Variants in CCDC148 observed in about 807,000 individuals in gnomAD.
CCDC148 encodes the protein coiled-coil domain-containing protein 148.
In CCDC148, 89 loss-of-function variants were observed where a neutral mutation model predicts 85.7. That is an observed-to-expected ratio of 1.04 (90% confidence interval 0.87 to 1.24). The LOEUF (loss-of-function observed/expected upper bound fraction) is 1.24, where lower values mean the gene tolerates loss of function less well. CCDC148 is among the 50% of genes most tolerant of loss of function. The probability of loss-of-function intolerance (pLI) is 0.00; values close to 1 mark genes in which losing one functional copy is unlikely to be tolerated. For missense variants in CCDC148, 692 were observed against 671.7 expected (o/e 1.03, Z -0.33); for synonymous variants, 230 against 213.9 (o/e 1.08, Z -0.66).
intron 2 of CCDC148, among the ~76,000 whole-genome samples, chr2:158,350,034 G>C (rs962788527): frequency 6.6e-6 from 1 of 152,056 alleles, no homozygotes; most frequent in African/African-American, 2.4e-5. Context: ...TTCTAGAAAA[G>C]CTTCTTCCTG....
intron 9 of CCDC148, among the ~76,000 whole-genome samples, chr2:158,271,052 C>T (rs975250902): frequency 2.6e-5 from 4 of 152,086 alleles, no homozygotes; most frequent in African/African-American, 9.7e-5. Context: ...AGTTTTATAA[C>T]CAAGCATTGC....
intron 13 of CCDC148, 24 bp from the exon 14 acceptor site, chr2:158,172,283 A>T: frequency 6.5e-7 from 1 of 1,546,444 alleles, no homozygotes. Flanking sequence ...AATACAATTT[A>T]AATAACAATT....
At chr2:158,269,220 C>A (rs772676205) in intron 9 of CCDC148, among the ~76,000 whole-genome samples, 2 of 152,092 alleles carry the variant, frequency 1.3e-5, no homozygotes, top group Non-Finnish European at 2.9e-5. Flanking sequence ...ATCTCACTGA[C>A]GCTCATTCTC....
In CCDC148 at chr2:158,221,254, T is replaced by C. The variant is rs191636361; in HGVS notation, c.1252-541A>G. The stretch of plus-strand genomic sequence containing the variant: ...AAATTAGCAGGGTTGTGGTATATAG[T>C]AGTTCTGACTTATGTGGTAAAATAA... On this transcript the variant is annotated intron_variant, in intron 10 of 13. Coordinates refer to ENST00000283233, the MANE Select transcript of CCDC148 (RefSeq NM_138803.4). 3.7e-4 allele frequency among the ~76,000 whole-genome samples: 57 copies of C among 152,298 alleles called. 1 individual carries two copies. In the East Asian group the frequency reaches 9.8e-3, roughly 26 times the overall value.
chr2:158,327,126 T>G (rs1195068567), intron 7 of CCDC148, among the ~76,000 whole-genome samples: 1 of 152,120 alleles, frequency 6.6e-6, no homozygotes, highest in African/African-American at 2.4e-5. Context: ...AATAAATCAG[T>G]GTATACATAT....
At chr2:158,175,079 G>T (rs182430702) in intron 13 of CCDC148, among the ~76,000 whole-genome samples, 81 of 152,068 alleles carry the variant, frequency 5.3e-4, no homozygotes, top group Non-Finnish European at 9.1e-4. Flanking sequence ...CACTTGTCAT[G>T]CACCCCTTGT....
At chr2:158,211,863 G>T (rs944688623) in intron 11 of CCDC148, among the ~76,000 whole-genome samples, 2 of 152,116 alleles carry the variant, frequency 1.3e-5, no homozygotes, top group African/African-American at 2.4e-5. Flanking sequence ...CTTTGTCCAT[G>T]AATTTCTTAT....
rs551898190 is a variant in CCDC148 at position 158,349,362 on chromosome 2, T to C, written c.148-4044A>G. On this transcript the variant is annotated intron_variant, in intron 2 of 13. Transcript: ENST00000283233. ...AGGTAAAATAAACAGGGAAGTAGGCTGATAATACAAATATTTAGAGAGAAT... is the reference window on the plus strand; with the variant it reads ...AGGTAAAATAAACAGGGAAGTAGGCCGATAATACAAATATTTAGAGAGAAT... Among the ~76,000 whole-genome samples, 14 of 152,116 alleles carry C rather than the reference T, an allele frequency of 9.2e-5. No homozygotes were observed. The South Asian group carries it at 2.9e-3, about 32-fold the overall frequency.
intron 7 of CCDC148, among the ~76,000 whole-genome samples, chr2:158,321,169 G>T (rs1274111973): frequency 6.6e-6 from 1 of 152,086 alleles, no homozygotes; most frequent in Non-Finnish European, 1.5e-5. Flanking sequence ...GGTTTTTGGT[G>T]TTTAAAGGAA....
chr2:158,239,580 A>C (rs942966486), intron 10 of CCDC148, among the ~76,000 whole-genome samples: 3 of 152,172 alleles, frequency 2.0e-5, no homozygotes, highest in African/African-American at 7.2e-5. Flanking sequence ...AATTTAAATT[A>C]ATAAGGTTGA....
At chr2:158,182,356 A>C (rs1335481084) in intron 11 of CCDC148, among the ~76,000 whole-genome samples, 1 of 152,112 alleles carries the variant, frequency 6.6e-6, no homozygotes, top group Non-Finnish European at 1.5e-5. Flanking sequence ...AGTGAGGAGG[A>C]TAAGTGGTCC....
At chr2:158,230,077 T>C (rs904711825) in intron 10 of CCDC148, among the ~76,000 whole-genome samples, 1 of 152,196 alleles carries the variant, frequency 6.6e-6, no homozygotes, top group African/African-American at 2.4e-5. Context: ...TGTATTTGAT[T>C]CTATTAACCC....
chr2:158,253,856 C>T (rs1261251238), intron 9 of CCDC148, among the ~76,000 whole-genome samples: 2 of 151,572 alleles, frequency 1.3e-5, no homozygotes, highest in African/African-American at 4.8e-5. Flanking sequence ...ATCTTAACAT[C>T]ACAGAGGAAC....
chr2:158,287,333 A>G (rs934850263), intron 9 of CCDC148, among the ~76,000 whole-genome samples: 4 of 152,146 alleles, frequency 2.6e-5, no homozygotes, highest in African/African-American at 9.7e-5. Flanking sequence ...ATAGTTCCCC[A>G]AAGTCTCAGC....
intron 1 of CCDC148, among the ~76,000 whole-genome samples, chr2:158,418,554 T>C (rs1235529687): frequency 6.6e-6 from 1 of 152,148 alleles, no homozygotes; most frequent in Non-Finnish European, 1.5e-5. Context: ...GGGAAGTAGT[T>C]CCCAAATGGC....
intron 9 of CCDC148, among the ~76,000 whole-genome samples, chr2:158,295,578 A>C (rs1691144557): frequency 2.1e-5 from 3 of 141,516 alleles, no homozygotes. Flanking sequence ...ATATACGCAA[A>C]TCAATAAATG....
intron 1 of CCDC148, among the ~76,000 whole-genome samples, chr2:158,406,373 G>C (rs1015342745): frequency 7.2e-5 from 11 of 152,132 alleles, no homozygotes; most frequent in East Asian, 1.9e-4. Flanking sequence ...CATGGTGCTC[G>C]CTAGGCCACA....
At chr2:158,299,047 G>T (rs778316603) in intron 9 of CCDC148, among the ~76,000 whole-genome samples, 5 of 152,168 alleles carry the variant, frequency 3.3e-5, no homozygotes, top group Non-Finnish European at 5.9e-5. Flanking sequence ...TTTTACTGAT[G>T]CTTTGTCTTG....
chr2:158,262,141 G>T (rs991711838), intron 9 of CCDC148, among the ~76,000 whole-genome samples: 2 of 152,026 alleles, frequency 1.3e-5, no homozygotes, highest in Non-Finnish European at 2.9e-5. Context: ...ATTAGATAAA[G>T]AAAATGTGGT....
Sources: allele counts gnomAD v4.1 joint callset (sites outside exome capture counted in the v4.1 genomes callset), GRCh38; gene constraint gnomAD v4.1.1; transcripts MANE v1.5; gene names NCBI Gene and HGNC (gene_info 2026-07-23, HGNC 2026-07-21).